The following CPAP variants were observed in gnomAD, a reference collection of about 807,000 sequenced individuals.
The protein encoded by CPAP is centrosomal P4.1-associated protein.
At chr13:24,885,763 A>G in the CPAP span, 6 of 885,704 alleles carry the variant, frequency 6.8e-6, no homozygotes, top group South Asian at 6.9e-5. Flanking sequence ...TATCCTGTGA[A>G]CTGCTGTCCT....
the CPAP span, among the ~76,000 whole-genome samples, chr13:24,887,590 T>C: frequency 2.0e-5 from 3 of 152,176 alleles, no homozygotes; most frequent in African/African-American, 7.2e-5. Flanking sequence ...GACCATCTAA[T>C]TGCAGGAAAA....
the CPAP span, among the ~76,000 whole-genome samples, chr13:24,893,417 T>C: frequency 6.6e-6 from 1 of 152,238 alleles, no homozygotes; most frequent in Admixed American, 6.5e-5. Context: ...CTGCAAGTGA[T>C]AGCGACTGAC....
At chr13:24,921,471 A>G in the CPAP span, among the ~76,000 whole-genome samples, 1 of 152,206 alleles carries the variant, frequency 6.6e-6, no homozygotes, top group Non-Finnish European at 1.5e-5. Context: ...TTTGACTTCA[A>G]CAACTGGGAA....
the CPAP span, chr13:24,912,738 A>T: frequency 6.2e-7 from 1 of 1,614,168 alleles, no homozygotes; most frequent in Non-Finnish European, 8.5e-7. Context: ...GAAAGGCTGT[A>T]TGGGTTTCAG....
chr13:24,890,421 T>C, the CPAP span, among the ~76,000 whole-genome samples: 1 of 152,278 alleles, frequency 6.6e-6, no homozygotes, highest in East Asian at 1.9e-4. Flanking sequence ...ACAGCTGACA[T>C]GGCCCTACGG....
the CPAP span, chr13:24,906,849 C>G: frequency 1.2e-6 from 2 of 1,614,106 alleles, no homozygotes; most frequent in African/African-American, 1.3e-5. Flanking sequence ...AGTTTACTTT[C>G]TTTGCCTTTT....
chr13:24,925,202 C>T, the CPAP span, among the ~76,000 whole-genome samples: 5 of 152,114 alleles, frequency 3.3e-5, no homozygotes, highest in Admixed American at 6.5e-5. Flanking sequence ...GTCTCTAACT[C>T]GTAGGCTCAA....
the CPAP span, chr13:24,892,587 G>A: frequency 5.4e-6 from 7 of 1,305,416 alleles, no homozygotes; most frequent in Admixed American, 1.2e-4. Context: ...GAATTTGAAT[G>A]CTCAGATATT....
the CPAP span, among the ~76,000 whole-genome samples, chr13:24,890,764 C>G: frequency 1.3e-5 from 2 of 152,110 alleles, no homozygotes; most frequent in African/African-American, 4.8e-5. Context: ...TCACAGGAGC[C>G]TGGGCTATGC....
At chr13:24,933,168 A>G in the CPAP span, 3 of 1,464,524 alleles carry the variant, frequency 2.0e-6, no homozygotes, top group Admixed American at 3.3e-5. Context: ...ACAGTGTGAT[A>G]AAACATCGCG....
the CPAP span, chr13:24,905,435 T>A: frequency 1.9e-6 from 3 of 1,614,198 alleles, no homozygotes; most frequent in Non-Finnish European, 2.5e-6. Context: ...AGGAAAGAAT[T>A]TCATCATCAG....
At chr13:24,907,206 A>C in the CPAP span, 42 of 1,574,696 alleles carry the variant, frequency 2.7e-5, no homozygotes, top group Middle Eastern at 8.5e-4. Context: ...AATTAGAAAC[A>C]GAAAGTTATT....
At chr13:24,923,189 G>A in the CPAP span, among the ~76,000 whole-genome samples, 1 of 152,016 alleles carries the variant, frequency 6.6e-6, no homozygotes, top group African/African-American at 2.4e-5. Flanking sequence ...GGAGCACGGA[G>A]AGTCAAAGCT....
chr13:24,883,073 C>A, the CPAP span: 1 of 1,047,780 alleles, frequency 9.5e-7, no homozygotes, highest in Non-Finnish European at 1.5e-6. Context: ...AGAATCTAAT[C>A]TTTTCCCCAC....
chr13:24,922,984 C>G, the CPAP span: 1 of 152,348 alleles, frequency 6.6e-6, no homozygotes, highest in African/African-American at 2.4e-5. Flanking sequence ...GGGCGTTGCC[C>G]GGCGGGGGAT....
At chr13:24,912,581 C>A in the CPAP span, 1 of 1,611,766 alleles carries the variant, frequency 6.2e-7, no homozygotes, top group Non-Finnish European at 8.5e-7. Flanking sequence ...TCCTATTGTA[C>A]CTGTTCAAGT....
At chr13:24,923,459 CAG>C in the CPAP span, among the ~76,000 whole-genome samples, 2 of 152,148 alleles carry the variant, frequency 1.3e-5, no homozygotes, top group Non-Finnish European at 2.9e-5. Context: ...GGTGGTTTGG[CAG>C]AGTGTGTCCA....
chr13:24,882,845 T>C, the CPAP span: 1 of 336,228 alleles, frequency 3.0e-6, no homozygotes, highest in East Asian at 7.8e-5. Context: ...CTGTGGGACA[T>C]CTAGGTGATG....
At chr13:24,883,347 A>ACTC in the CPAP span, 1 of 1,611,320 alleles carries the variant, frequency 6.2e-7, no homozygotes, top group Non-Finnish European at 8.5e-7. Flanking sequence ...CCATTATTAA[A>ACTC]CTCTATGAGT....
Sources: gnomAD v4.1 joint callset for allele counts (sites outside exome capture counted in the v4.1 genomes callset) on GRCh38, gnomAD v4.1.1 for gene constraint, MANE v1.5 for transcripts, NCBI Gene and HGNC (gene_info 2026-07-23, HGNC 2026-07-21) for gene names.